The following ICE1 variants were observed in gnomAD, a reference collection of about 807,000 sequenced individuals.
ICE1 encodes the protein little elongation complex subunit 1.
ICE1 carries 64 observed loss-of-function variants against 192.7 expected under a neutral mutation model. That is an observed-to-expected ratio of 0.33 (90% confidence interval 0.27 to 0.41). ICE1 has a LOEUF of 0.41. ICE1 is among the 10% of genes least tolerant of loss of function. ICE1 has a pLI of 1.00. For synonymous variants in ICE1, 1,010 were observed against 984.5 expected (o/e 1.03, Z -0.49); for missense variants, 2,708 against 2,696.0 (o/e 1.00, Z -0.10).
intron 11 of ICE1, 41 bp downstream of exon 11, chr5:5,454,679 G>A (rs753957460): frequency 2.0e-6 from 3 of 1,490,192 alleles, no homozygotes; most frequent in South Asian, 1.1e-5. Context: ...ATATGTGAAA[G>A]TACAGAGCTT....
chr5:5,430,232 A>G (rs968351363), intron 1 of ICE1, among the ~76,000 whole-genome samples: 3 of 152,140 alleles, frequency 2.0e-5, no homozygotes, highest in African/African-American at 7.2e-5. Context: ...CACTTTCACA[A>G]TTGCGAGGTT....
intron 18 of ICE1, among the ~76,000 whole-genome samples, chr5:5,487,162 G>A (rs768365973): frequency 2.0e-5 from 3 of 152,168 alleles, no homozygotes; most frequent in Admixed American, 1.3e-4. Flanking sequence ...GGCCTCCTGG[G>A]TGGAGCTGTG....
intron 1 of ICE1, among the ~76,000 whole-genome samples, chr5:5,427,246 T>C (rs1359747705): frequency 2.6e-5 from 4 of 152,212 alleles, no homozygotes; most frequent in Non-Finnish European, 5.9e-5. Context: ...ATTACAGTAG[T>C]TCATTGCTGA....
chr5:5,423,602 G>A (rs1737407520), intron 1 of ICE1, among the ~76,000 whole-genome samples: 2 of 152,230 alleles, frequency 1.3e-5, no homozygotes, highest in Non-Finnish European at 2.9e-5. Context: ...GAGACTGGAG[G>A]TTTCTAACAG....
At chr5:5,443,322 T>C (rs928148728) in intron 6 of ICE1, 78 bp downstream of exon 6, 18 of 770,196 alleles carry the variant, frequency 2.3e-5, no homozygotes, top group Admixed American at 3.6e-5. Flanking sequence ...GTAGTGTTTT[T>C]TTTTTTACAG....
At chr5:5,433,788 T>C (rs191915417) in intron 1 of ICE1, among the ~76,000 whole-genome samples, 33 of 152,318 alleles carry the variant, frequency 2.2e-4, no homozygotes, top group African/African-American at 7.9e-4. Context: ...TAACAGATGG[T>C]GACCCAACAA....
chr5:5,430,166 A>T (rs1407830354), intron 1 of ICE1, among the ~76,000 whole-genome samples: 2 of 152,220 alleles, frequency 1.3e-5, no homozygotes, highest in African/African-American at 4.8e-5. Context: ...GGACCTGTGC[A>T]GGAATGAATG....
In ICE1 at chr5:5,447,915, T is replaced by G; in HGVS notation, c.604+18T>G. On this transcript the variant is annotated intron_variant, in intron 10 of 18. Transcript: ENST00000296564. Reference sequence around the variant, plus strand: ...AGATAAAAGTGAGTATATTGCAACTTTTGTTTTAATGTTGTGTATTGCTCT... The same window carrying G: ...AGATAAAAGTGAGTATATTGCAACTGTTGTTTTAATGTTGTGTATTGCTCT... The G allele has an allele frequency of 6.5e-7, 1 of 1,544,884 alleles. No individual in the cohort carries two copies. The highest frequency in any genetic ancestry group is 8.8e-7 in the Non-Finnish European group (1 of 1,138,590).
At chr5:5,480,249 C>CTTTTTTTTTTTT (rs574170460) in intron 17 of ICE1, among the ~76,000 whole-genome samples, 1 of 129,922 alleles carries the variant, frequency 7.7e-6, no homozygotes, top group African/African-American at 2.9e-5. Flanking sequence ...TTTTCTTTTT[C>CTTTTTTTTTTTT]TTTTTTTTTT....
In ICE1 at chr5:5,473,933, G is replaced by A. The variant is rs776945189; in HGVS notation, c.6413+185G>A. 7.8e-4 allele frequency among the ~76,000 whole-genome samples: 119 copies of A among 152,108 alleles called. 1 individual carries two copies. The highest frequency in any genetic ancestry group is 2.7e-3 in the African/African-American group (114 of 41,478). On this transcript the variant is annotated intron_variant, in intron 16 of 18. Transcript: ENST00000296564. Reference sequence around the variant, plus strand: ...CCCTTAAGATACCTTCATCACGGCCGGGCATGGTGGCTCACGCCTGTAATC... The same window carrying A: ...CCCTTAAGATACCTTCATCACGGCCAGGCATGGTGGCTCACGCCTGTAATC...
At chr5:5,425,437 T>A (rs1188204282) in intron 1 of ICE1, among the ~76,000 whole-genome samples, 1 of 152,254 alleles carries the variant, frequency 6.6e-6, no homozygotes, top group African/African-American at 2.4e-5. Context: ...AGTATGCCTG[T>A]GTTCCATTGA....
chr5:5,427,888 T>C (rs1002216439), intron 1 of ICE1, among the ~76,000 whole-genome samples: 4 of 152,180 alleles, frequency 2.6e-5, no homozygotes, highest in Non-Finnish European at 5.9e-5. Context: ...ATAAATATTA[T>C]GGTAAGGGAC....
chr5:5,434,446 T>G (rs1034661993), intron 1 of ICE1, among the ~76,000 whole-genome samples: 2 of 152,234 alleles, frequency 1.3e-5, no homozygotes, highest in African/African-American at 4.8e-5. Flanking sequence ...CTGGATTTAC[T>G]TTGCATATAT....
chr5:5,466,189 A>G, intron 13 of ICE1, 145 bp from the exon 14 acceptor site: 4 of 635,972 alleles, frequency 6.3e-6, no homozygotes, highest in Non-Finnish European at 9.9e-6. Context: ...GTAAGTTCTT[A>G]CCAGTTACTA....
chr5:5,467,463 T>A (rs1739021399), intron 14 of ICE1, among the ~76,000 whole-genome samples: 1 of 152,214 alleles, frequency 6.6e-6, no homozygotes, highest in South Asian at 2.1e-4. Flanking sequence ...TGCTGACAGC[T>A]TTCTTGCTCT....
chr5:5,472,044 G>A (rs73029402), intron 15 of ICE1, among the ~76,000 whole-genome samples: 1,737 of 152,212 alleles, frequency 0.011, 31 homozygotes, highest in African/African-American at 0.04. Context: ...AACAAAGTAA[G>A]AATGTGTTTA....
chr5:5,482,260 A>G (rs903236191), intron 17 of ICE1, among the ~76,000 whole-genome samples: 14 of 152,192 alleles, frequency 9.2e-5, no homozygotes, highest in Non-Finnish European at 1.3e-4. Context: ...AATAATATGT[A>G]TTATTTAGAG....
intron 18 of ICE1, 53 bp from the exon 19 acceptor site, chr5:5,489,096 T>C: frequency 6.5e-7 from 1 of 1,528,680 alleles, no homozygotes; most frequent in Non-Finnish European, 8.9e-7. Context: ...TCACTAAAAT[T>C]TTGAATAACA....
chr5:5,470,215 A>G (rs1435678955), intron 15 of ICE1, among the ~76,000 whole-genome samples: 2 of 152,082 alleles, frequency 1.3e-5, no homozygotes, highest in Non-Finnish European at 2.9e-5. Context: ...CCGTTCCCAG[A>G]GGGTTACCTG....
Sources: allele counts gnomAD v4.1 joint callset (sites outside exome capture counted in the v4.1 genomes callset), GRCh38; gene constraint gnomAD v4.1.1; transcripts MANE v1.5; gene names NCBI Gene and HGNC (gene_info 2026-07-23, HGNC 2026-07-21).